Variants in BCAP29 observed in about 807,000 individuals in gnomAD.
The protein encoded by BCAP29 is B cell receptor associated protein 29.
BCAP29 carries 34 observed loss-of-function variants against 31.8 expected under a neutral mutation model. That is an observed-to-expected ratio of 1.07 (90% confidence interval 0.81 to 1.42). The LOEUF is 1.42. Ranked by LOEUF, BCAP29 falls within the 40% of genes most tolerant of loss-of-function variation. The probability of loss-of-function intolerance (pLI) is 0.00; values close to 1 mark genes in which losing one functional copy is unlikely to be tolerated. For missense variants in BCAP29, 314 were observed against 269.2 expected (o/e 1.17, Z -1.16); for synonymous variants, 104 against 91.3 (o/e 1.14, Z -0.79).
At chr7:107,615,937 T>G (rs1585249258) in intron 7 of BCAP29, 3 of 152,514 alleles carry the variant, frequency 2.0e-5, no homozygotes, top group Admixed American at 2.0e-4. Context: ...GTTATATAAT[T>G]TATCGAAAGT....
chr7:107,580,686 C>T lies in BCAP29; in HGVS notation c.-14-73C>T, dbSNP rs185636784. The T allele has an allele frequency of 3.9e-4, 396 of 1,027,982 alleles. 3 individuals carry two copies. In the African/African-American group the frequency reaches 6.3e-3, roughly 16 times the overall value. 63.7% of individuals were successfully genotyped at this position (1,027,982 alleles called of 1,614,324 possible). On this transcript the variant is annotated intron_variant, in intron 1 of 7. Coordinates refer to ENST00000005259, the MANE Select transcript of BCAP29 (RefSeq NM_018844.4). ...ACACTGTCCATCCCCTGGACAAAAACGCTGCGCCTCGGGGCCTTGAACCCG... is the reference window on the plus strand; with the variant it reads ...ACACTGTCCATCCCCTGGACAAAAATGCTGCGCCTCGGGGCCTTGAACCCG...
intron 6 of BCAP29, among the ~76,000 whole-genome samples, chr7:107,601,770 A>G (rs1811225320): frequency 6.6e-6 from 1 of 152,230 alleles, no homozygotes; most frequent in African/African-American, 2.4e-5. Flanking sequence ...GAATGAAACC[A>G]TCTATTTCCA....
At chr7:107,584,104 T>C (rs1807189456) in intron 3 of BCAP29, 122 bp downstream of exon 3, 1 of 503,182 alleles carries the variant, frequency 2.0e-6, no homozygotes. Context: ...TGATAGTACA[T>C]AGAGTGGATA....
chr7:107,601,059 T>C lies in BCAP29; in HGVS notation c.589+554T>C, dbSNP rs188216514. The stretch of plus-strand genomic sequence containing the variant: ...TAGGCTTGAAGTGGAGCATCCCAAC[T>C]CCATTTTCCTGAAGGCAGCAATTTC... On this transcript the variant is annotated intron_variant, in intron 6 of 7. Transcript: ENST00000005259. Among the ~76,000 whole-genome samples, 270 of 152,146 alleles carry C rather than the reference T, an allele frequency of 1.8e-3. 1 individual carries two copies. Among genetic ancestry groups the C allele is most frequent in the African/African-American group, 6.2e-3 (258 of 41,518 alleles).
chr7:107,605,810 A>G (rs1190077338), intron 6 of BCAP29, among the ~76,000 whole-genome samples: 1 of 152,214 alleles, frequency 6.6e-6, no homozygotes, highest in African/African-American at 2.4e-5. Context: ...TAATGATATC[A>G]GCTTATGGCA....
At chr7:107,614,478 G>C (rs763950920) in intron 7 of BCAP29, among the ~76,000 whole-genome samples, 3 of 152,144 alleles carry the variant, frequency 2.0e-5, no homozygotes, top group Non-Finnish European at 4.4e-5. Context: ...TAAATAAAAT[G>C]TGTAGGTTTT....
chr7:107,593,496 C>T (rs1385758092), intron 3 of BCAP29, among the ~76,000 whole-genome samples: 1 of 152,046 alleles, frequency 6.6e-6, no homozygotes, highest in Non-Finnish European at 1.5e-5. Context: ...TCAGTATAAC[C>T]AAATATTTTG....
downstream of BCAP29, chr7:107,622,027 A>C (rs1410974982): frequency 2.2e-6 from 1 of 449,042 alleles, no homozygotes; most frequent in African/African-American, 2.0e-5. Flanking sequence ...GGATAAGTCA[A>C]AGATAGCCTT....
In BCAP29 at chr7:107,583,884, G is replaced by A; in HGVS notation, c.95G>A (p.Trp32Ter). 1.3e-6 allele frequency: 2 copies of A among 1,537,508 alleles called. No homozygotes were observed. Among genetic ancestry groups the A allele is most frequent in the East Asian group, 2.3e-5 (1 of 43,100 alleles). The change falls in exon 3 of 8, where the codon TGG becomes TAG. Residue 32 changes from tryptophan (W) to a stop codon, truncating the protein, a stop_gained and splice_region_variant. Transcript: ENST00000005259. LOFTEE classifies it high-confidence loss of function. ...FCLPFIPPQR[W>*]QKIFSFNVWG... Reference sequence around the variant, plus strand: ...AATATAATTGTATTGCTTTACAGATGGCAGAAGATTTTTTCATTTAATGTC... The same window carrying A: ...AATATAATTGTATTGCTTTACAGATAGCAGAAGATTTTTTCATTTAATGTC...
At position 107,618,586 on chromosome 7, in the gene BCAP29, A is replaced by G; in HGVS notation, c.*223A>G. 1 of 1,589,462 alleles carries G rather than the reference A, an allele frequency of 6.3e-7. No homozygotes were observed. Reference sequence around the variant, plus strand: ...CTTAAGAAAAATATAAGCATGTTAAATACCATATTTACATATTGATAATGT... The same window carrying G: ...CTTAAGAAAAATATAAGCATGTTAAGTACCATATTTACATATTGATAATGT... On this transcript the variant is annotated 3_prime_UTR_variant, in exon 8 of 8. Coordinates refer to ENST00000005259, the MANE Select transcript of BCAP29 (RefSeq NM_018844.4).
chr7:107,581,097 A>G (rs1406614838), intron 2 of BCAP29, among the ~76,000 whole-genome samples: 2 of 152,338 alleles, frequency 1.3e-5, no homozygotes, highest in East Asian at 3.9e-4. Context: ...TATACTTTTG[A>G]TTCTGTTGAT....
chr7:107,594,594 TG>T (rs1809471725), intron 4 of BCAP29, among the ~76,000 whole-genome samples: 1 of 152,042 alleles, frequency 6.6e-6, no homozygotes, highest in African/African-American at 2.4e-5. Context: ...CTCCACCTCC[TG>T]GGTTCACACC....
At chr7:107,584,148 C>T (rs1807199548) in intron 3 of BCAP29, among the ~76,000 whole-genome samples, 166 bp downstream of exon 3, 1 of 152,070 alleles carries the variant, frequency 6.6e-6, no homozygotes, top group African/African-American at 2.4e-5. Flanking sequence ...TAGATACTAC[C>T]ATTCTGTATG....
intron 6 of BCAP29, among the ~76,000 whole-genome samples, chr7:107,612,396 TATA>T (rs1813305900): frequency 6.8e-5 from 1 of 14,714 alleles, no homozygotes; most frequent in Non-Finnish European, 1.5e-4. Flanking sequence ...TTGTTTTATA[TATA>T]TATATATATA....
downstream of BCAP29, chr7:107,622,136 A>G (rs1043622344): frequency 6.8e-5 from 26 of 381,198 alleles, 1 homozygote; most frequent in South Asian, 4.2e-4. Context: ...CATCTCTCAC[A>G]TGGACTATGA....
rs79021297 is a variant in BCAP29 at position 107,596,288 on chromosome 7, A to G, written c.480+286A>G. 4.5e-3 allele frequency among the ~76,000 whole-genome samples: 678 copies of G among 152,352 alleles called. 8 individuals are homozygous for G. Among genetic ancestry groups the G allele is most frequent in the African/African-American group, 0.015 (640 of 41,598 alleles). The stretch of plus-strand genomic sequence containing the variant: ...AAGGAGAAAATAGTATTCTGGGAAT[A>G]TGAATTTTAATTCCTTCATTACCGT... On this transcript the variant is annotated intron_variant, in intron 5 of 7. Coordinates refer to ENST00000005259, the MANE Select transcript of BCAP29 (RefSeq NM_018844.4).
At chr7:107,608,069 A>G (rs1312661369) in intron 6 of BCAP29, among the ~76,000 whole-genome samples, 3 of 152,148 alleles carry the variant, frequency 2.0e-5, no homozygotes, top group Admixed American at 6.5e-5. Context: ...TCACCTGGCT[A>G]AAATAGTGCT....
intron 3 of BCAP29, chr7:107,587,883 A>T (rs1311472497): frequency 1.3e-5 from 2 of 152,140 alleles, no homozygotes; most frequent in African/African-American, 4.8e-5. Flanking sequence ...CAGAAAACAG[A>T]TATTACTACT....
intron 3 of BCAP29, among the ~76,000 whole-genome samples, chr7:107,590,522 A>G (rs983572457): frequency 2.0e-5 from 3 of 152,184 alleles, no homozygotes; most frequent in African/African-American, 4.8e-5. Context: ...ACGATTATTT[A>G]TATAGAAAAT....
Sources: gnomAD v4.1 joint callset for allele counts (sites outside exome capture counted in the v4.1 genomes callset) on GRCh38, gnomAD v4.1.1 for gene constraint, MANE v1.5 for transcripts, NCBI Gene and HGNC (gene_info 2026-07-23, HGNC 2026-07-21) for gene names.